The following LRMDA variants were observed in gnomAD, a reference collection of about 807,000 sequenced individuals.
The protein encoded by LRMDA is leucine-rich melanocyte differentiation-associated protein.
LRMDA carries 18 observed loss-of-function variants against 29.8 expected under a neutral mutation model. That is an observed-to-expected ratio of 0.60 (90% confidence interval 0.42 to 0.90). The LOEUF (loss-of-function observed/expected upper bound fraction) is 0.90, where lower values mean the gene tolerates loss of function less well. Among genes scored for constraint, LRMDA ranks in the 40% least tolerant of loss-of-function variants. The probability of loss-of-function intolerance (pLI) is 0.00; values close to 1 mark genes in which losing one functional copy is unlikely to be tolerated. For synonymous variants in LRMDA, 125 were observed against 109.4 expected, an observed-to-expected ratio of 1.14 and a Z score of -0.89; for missense variants, 273 against 273.9, an observed-to-expected ratio of 1.00 and a Z score of 0.02.
intron 3 of LRMDA, 127 bp from the exon 4 acceptor site, chr10:76,047,037 A>G (rs958517122): frequency 2.9e-6 from 3 of 1,022,708 alleles, no homozygotes; most frequent in African/African-American, 1.6e-5. Flanking sequence ...CCACAGCTGA[A>G]TTGATTTCAG....
chr10:75,571,370 A>G (rs1840435744), intron 2 of LRMDA, among the ~76,000 whole-genome samples: 1 of 151,748 alleles, frequency 6.6e-6, no homozygotes, highest in Admixed American at 6.6e-5. Flanking sequence ...TTAAGGTGTC[A>G]TGTAGTCACC....
At chr10:75,795,629 C>A (rs1398422501) in intron 2 of LRMDA, among the ~76,000 whole-genome samples, 2 of 152,148 alleles carry the variant, frequency 1.3e-5, no homozygotes, top group Admixed American at 1.3e-4. Context: ...ACTGTCTTGA[C>A]TACTGTAGCT....
At chr10:75,694,790 C>A (rs1236030470) in intron 2 of LRMDA, among the ~76,000 whole-genome samples, 1 of 152,102 alleles carries the variant, frequency 6.6e-6, no homozygotes, top group African/African-American at 2.4e-5. Context: ...ATATTGCAAC[C>A]CTGTCTATAG....
At chr10:76,475,301 T>C (rs1031895022) in intron 6 of LRMDA, among the ~76,000 whole-genome samples, 7 of 151,782 alleles carry the variant, frequency 4.6e-5, no homozygotes, top group Non-Finnish European at 1.0e-4. Flanking sequence ...GTTTTGAATA[T>C]ATATTTTAAC....
At position 75,655,413 on chromosome 10, in the gene LRMDA, C is replaced by G. The variant is rs1046131788; in HGVS notation, c.131+216919C>G. ...GACCATCCTGTTGGGATTGCCAGTTCCCTTGGCAGGTGCCTTGCTAGGCCA... is the reference window on the plus strand; with the variant it reads ...GACCATCCTGTTGGGATTGCCAGTTGCCTTGGCAGGTGCCTTGCTAGGCCA... On this transcript the variant is annotated intron_variant, in intron 2 of 6. Coordinates refer to ENST00000611255, the MANE Select transcript of LRMDA (RefSeq NM_001305581.2). Among the ~76,000 whole-genome samples the G allele has an allele frequency of 3.9e-5, 6 of 152,238 alleles. 1 individual carries two copies. Among genetic ancestry groups the G allele is most frequent in the African/African-American group, 1.4e-4 (6 of 41,464 alleles).
chr10:75,814,275 A>G (rs1844018803), intron 2 of LRMDA, among the ~76,000 whole-genome samples: 1 of 152,216 alleles, frequency 6.6e-6, no homozygotes, highest in Non-Finnish European at 1.5e-5. Context: ...ACCACACATC[A>G]GCTGTCATCT....
intron 5 of LRMDA, among the ~76,000 whole-genome samples, chr10:76,111,630 C>A (rs78147065): frequency 0.011 from 1,727 of 152,256 alleles, 14 homozygotes; most frequent in Non-Finnish European, 0.018. Context: ...CATTAGGCAC[C>A]CACTTTTGAA....
At chr10:75,450,174 C>T (rs1385050302) in intron 2 of LRMDA, 1 of 152,194 alleles carries the variant, frequency 6.6e-6, no homozygotes, top group East Asian at 1.9e-4. Context: ...GCTTTCTCTT[C>T]CCTTTCACAC....
intron 5 of LRMDA, among the ~76,000 whole-genome samples, chr10:76,271,015 C>T (rs889137608): frequency 6.6e-6 from 1 of 152,230 alleles, no homozygotes; most frequent in East Asian, 1.9e-4. Flanking sequence ...GAATAGCTGT[C>T]TCTTTCCCCC....
intron 2 of LRMDA, among the ~76,000 whole-genome samples, chr10:75,744,009 C>A (rs1008112193): frequency 6.6e-6 from 1 of 152,152 alleles, no homozygotes; most frequent in Non-Finnish European, 1.5e-5. Flanking sequence ...TAAAGTTGAA[C>A]CACTAGGGTG....
chr10:76,211,136 C>G (rs548449274), intron 5 of LRMDA, among the ~76,000 whole-genome samples: 11 of 152,172 alleles, frequency 7.2e-5, no homozygotes, highest in Non-Finnish European at 1.2e-4. Flanking sequence ...TTTTCACCTT[C>G]CATGTCTTTG....
intron 2 of LRMDA, among the ~76,000 whole-genome samples, chr10:75,469,255 G>C (rs945701030): frequency 3.4e-5 from 5 of 148,500 alleles, no homozygotes; most frequent in African/African-American, 1.2e-4. Context: ...GATCCTGTGA[G>C]AGGAAAATGG....
At chr10:75,982,132 A>G (rs1356507980) in intron 2 of LRMDA, among the ~76,000 whole-genome samples, 2 of 152,168 alleles carry the variant, frequency 1.3e-5, no homozygotes, top group Non-Finnish European at 2.9e-5. Context: ...GAAACAGTGA[A>G]CTGATCTCTT....
At chr10:76,216,447 A>C (rs1168415720) in intron 5 of LRMDA, among the ~76,000 whole-genome samples, 1 of 152,236 alleles carries the variant, frequency 6.6e-6, no homozygotes, top group Non-Finnish European at 1.5e-5. Context: ...TATTAAGAGT[A>C]TGTAAAGAAC....
At chr10:76,466,409 G>A (rs183621863) in intron 6 of LRMDA, among the ~76,000 whole-genome samples, 1 of 152,248 alleles carries the variant, frequency 6.6e-6, no homozygotes. Context: ...CCTAACAGGT[G>A]TCCGCTGGCA....
chr10:75,579,714 T>C (rs957368939), intron 2 of LRMDA, among the ~76,000 whole-genome samples: 6 of 152,178 alleles, frequency 3.9e-5, no homozygotes, highest in Non-Finnish European at 8.8e-5. Context: ...ATCAAAAAGC[T>C]TATCTACCAT....
chr10:75,456,051 A>G (rs1844511754), intron 2 of LRMDA, among the ~76,000 whole-genome samples: 1 of 152,240 alleles, frequency 6.6e-6, no homozygotes, highest in Admixed American at 6.5e-5. Context: ...ATTCTGGGAC[A>G]TAGAAGCTGG....
At position 75,824,408 on chromosome 10, in the gene LRMDA, A is replaced by T. The variant is rs557812396; in HGVS notation, c.132-211600A>T. Among the ~76,000 whole-genome samples, 5 of 152,332 alleles carry T rather than the reference A, an allele frequency of 3.3e-5. No individual in the cohort carries two copies. In the East Asian group the frequency reaches 7.7e-4, roughly 23 times the overall value. Reference sequence around the variant, plus strand: ...TATTGCACATGCTGTGACTGCTTTCATGCTATAGTGGCAGAGTTGACTAGT... The same window carrying T: ...TATTGCACATGCTGTGACTGCTTTCTTGCTATAGTGGCAGAGTTGACTAGT... On this transcript the variant is annotated intron_variant, in intron 2 of 6. Transcript: ENST00000611255.
intron 6 of LRMDA, among the ~76,000 whole-genome samples, chr10:76,481,120 G>A (rs535787271): frequency 6.6e-6 from 1 of 151,974 alleles, no homozygotes; most frequent in South Asian, 2.1e-4. Context: ...TGGATCATGA[G>A]GACTTCTAGA....
Sources: allele counts gnomAD v4.1 joint callset (sites outside exome capture counted in the v4.1 genomes callset), GRCh38; gene constraint gnomAD v4.1.1; transcripts MANE v1.5; gene names NCBI Gene and HGNC (gene_info 2026-07-23, HGNC 2026-07-21).